The following KCNQ5 variants were observed in gnomAD, a reference collection of about 807,000 sequenced individuals.
The protein encoded by KCNQ5 is potassium voltage-gated channel subfamily KQT member 5.
A neutral mutation model predicts 98.2 loss-of-function variants in KCNQ5; 30 were observed. The ratio of observed to expected loss-of-function variants is 0.31; its 90% CI spans 0.23 to 0.41. KCNQ5 has a LOEUF of 0.41. Ranked by LOEUF, KCNQ5 falls within the 10% of genes least tolerant of loss-of-function variation. The pLI is 1.00. For missense variants in KCNQ5, 835 were observed against 1,182.5 expected, an observed-to-expected ratio of 0.71 and a Z score of 4.31; for synonymous variants, 458 against 449.4, an observed-to-expected ratio of 1.02 and a Z score of -0.24.
At position 72,905,950 on chromosome 6, in the gene KCNQ5, G is replaced by A. The variant is rs113806250; in HGVS notation, c.399-97958G>A. On this transcript the variant is annotated intron_variant, in intron 1 of 13. Coordinates refer to ENST00000370398, the MANE Select transcript of KCNQ5 (RefSeq NM_019842.4). ...AGAGGAACCAGTGGTGGACAGGGCC[G>A]TAGAACTCCCAAAAGTATATACCCT... Among the ~76,000 whole-genome samples the A allele has an allele frequency of 2.8e-3, 432 of 152,228 alleles. 2 individuals are homozygous for A. Among genetic ancestry groups the A allele is most frequent in the African/African-American group, 0.01 (419 of 41,536 alleles).
chr6:72,838,743 G>A (rs369597024), intron 1 of KCNQ5, among the ~76,000 whole-genome samples: 4 of 151,774 alleles, frequency 2.6e-5, no homozygotes, highest in African/African-American at 9.7e-5. Context: ...GAGGTCAGGA[G>A]ATCGAGACCA....
chr6:73,074,044 G>A (rs535832201), intron 3 of KCNQ5, among the ~76,000 whole-genome samples: 192 of 152,228 alleles, frequency 1.3e-3, no homozygotes, highest in African/African-American at 3.9e-3. Flanking sequence ...TGTGGTAAGA[G>A]AACAAAGCTC....
intron 2 of KCNQ5, among the ~76,000 whole-genome samples, chr6:73,006,533 A>G (rs1297763286): frequency 1.3e-5 from 2 of 152,104 alleles, no homozygotes; most frequent in South Asian, 2.1e-4. Flanking sequence ...TACACCTGTA[A>G]TCCCAGCTAT....
At chr6:72,650,797 G>C (rs1765836385) in intron 1 of KCNQ5, among the ~76,000 whole-genome samples, 1 of 152,036 alleles carries the variant, frequency 6.6e-6, no homozygotes, top group Non-Finnish European at 1.5e-5. Flanking sequence ...AATATTCCTA[G>C]CCTTCACGTG....
intron 11 of KCNQ5, among the ~76,000 whole-genome samples, chr6:73,185,213 C>G (rs1778527900): frequency 6.6e-6 from 1 of 152,170 alleles, no homozygotes; most frequent in Non-Finnish European, 1.5e-5. Context: ...AGGTCCCACT[C>G]TGTTACCCAG....
rs191094435 is a variant in KCNQ5, at chr6:72,984,032, C to T, written c.399-19876C>T. On this transcript the variant is annotated intron_variant, in intron 1 of 13. Transcript: ENST00000370398. Reference sequence around the variant, plus strand: ...GTCACCAGTGGAGGCTGCAGAACAGCAAATATTGCAGACTAGCAAATATTG... The same window carrying T: ...GTCACCAGTGGAGGCTGCAGAACAGTAAATATTGCAGACTAGCAAATATTG... Among the ~76,000 whole-genome samples, 461 of 152,282 alleles carry T rather than the reference C, an allele frequency of 3.0e-3. 2 individuals are homozygous for T. Among genetic ancestry groups the T allele is most frequent in the Non-Finnish European group, 4.8e-3 (326 of 68,020 alleles).
chr6:72,962,562 C>T (rs552145524), intron 1 of KCNQ5, among the ~76,000 whole-genome samples: 2 of 152,210 alleles, frequency 1.3e-5, no homozygotes, highest in Non-Finnish European at 2.9e-5. Context: ...ATGTCTGGGT[C>T]ATGCATGGTG....
Position 73,008,250 on chromosome 6 carries a change from C to T in KCNQ5, c.489+4252C>T, listed in dbSNP as rs183509587. Among the ~76,000 whole-genome samples the T allele has an allele frequency of 2.4e-4, 36 of 152,066 alleles. 2 individuals carry two copies. Among genetic ancestry groups the T allele is most frequent in the Admixed American group, 1.5e-3 (23 of 15,284 alleles). Reference sequence around the variant, plus strand: ...AAAACAAAGAGCAAAATGATGAAAGCGTCTCCTTATCATTAATTACTTTAA... The same window carrying T: ...AAAACAAAGAGCAAAATGATGAAAGTGTCTCCTTATCATTAATTACTTTAA... On this transcript the variant is annotated intron_variant, in intron 2 of 13. Coordinates refer to ENST00000370398, the MANE Select transcript of KCNQ5 (RefSeq NM_019842.4).
chr6:73,012,882 T>C (rs552838796), intron 2 of KCNQ5, among the ~76,000 whole-genome samples: 1 of 151,658 alleles, frequency 6.6e-6, no homozygotes, highest in East Asian at 1.9e-4. Flanking sequence ...AAGTGGTTAA[T>C]GATATAGCCT....
At chr6:72,701,133 A>G (rs1156597618) in intron 1 of KCNQ5, among the ~76,000 whole-genome samples, 1 of 152,236 alleles carries the variant, frequency 6.6e-6, no homozygotes, top group East Asian at 1.9e-4. Flanking sequence ...AAAGATTAAT[A>G]AATTGTATTT....
In KCNQ5 at chr6:73,058,523, C is replaced by G. The variant is rs146845304; in HGVS notation, c.616+16461C>G. ...ATGACAAAGACAAAAGCGATTGCAG[C>G]AAAAACAAAAATTGACTAATTTTGT... is the stretch of plus-strand genomic sequence containing the variant. On this transcript the variant is annotated intron_variant, in intron 3 of 13. Transcript: ENST00000370398. 2.8e-4 allele frequency among the ~76,000 whole-genome samples: 43 copies of G among 152,202 alleles called. No individual in the cohort carries two copies. The East Asian group carries it at 6.9e-3, about 25-fold the overall frequency.
chr6:72,930,601 C>T (rs1006325621), intron 1 of KCNQ5, among the ~76,000 whole-genome samples: 3 of 136,114 alleles, frequency 2.2e-5, no homozygotes, highest in African/African-American at 6.0e-5. Flanking sequence ...AAAAAAAAAC[C>T]GCTCAAATGG....
chr6:72,823,905 A>G (rs1017244167), intron 1 of KCNQ5, among the ~76,000 whole-genome samples: 2 of 152,208 alleles, frequency 1.3e-5, no homozygotes, highest in African/African-American at 2.4e-5. Flanking sequence ...AGTCTGATCT[A>G]CTTCATCCAC....
At chr6:72,795,215 G>A (rs1461978172) in intron 1 of KCNQ5, among the ~76,000 whole-genome samples, 1 of 152,180 alleles carries the variant, frequency 6.6e-6, no homozygotes, top group East Asian at 1.9e-4. Context: ...TGCCAATGAA[G>A]CAAATACTGT....
intron 5 of KCNQ5, among the ~76,000 whole-genome samples, chr6:73,102,849 G>A (rs1285144603): frequency 3.3e-5 from 5 of 152,108 alleles, no homozygotes. Context: ...ACTGTTGGTG[G>A]GAATGTAAAT....
At chr6:73,002,235 T>C (rs537154143) in intron 1 of KCNQ5, among the ~76,000 whole-genome samples, 3 of 152,238 alleles carry the variant, frequency 2.0e-5, no homozygotes, top group Non-Finnish European at 4.4e-5. Flanking sequence ...CTGTTTAGAA[T>C]GGCAACCCCT....
intron 1 of KCNQ5, among the ~76,000 whole-genome samples, chr6:72,731,817 C>T (rs570267605): frequency 6.6e-6 from 1 of 152,226 alleles, no homozygotes; most frequent in African/African-American, 2.4e-5. Flanking sequence ...AACTTCCAGT[C>T]CTGCCACGAG....
At chr6:72,893,280 A>G (rs1779124281) in intron 1 of KCNQ5, among the ~76,000 whole-genome samples, 1 of 151,432 alleles carries the variant, frequency 6.6e-6, no homozygotes, top group Admixed American at 6.6e-5. Flanking sequence ...GCATCAGGCT[A>G]TTGTGGTTTT....
At chr6:72,887,455 A>G (rs1778889500) in intron 1 of KCNQ5, among the ~76,000 whole-genome samples, 1 of 152,204 alleles carries the variant, frequency 6.6e-6, no homozygotes, top group Admixed American at 6.5e-5. Context: ...ACAATTCAAG[A>G]TGAGATTTGG....
Sources: gnomAD v4.1 joint callset for allele counts (sites outside exome capture counted in the v4.1 genomes callset) on GRCh38, gnomAD v4.1.1 for gene constraint, MANE v1.5 for transcripts, NCBI Gene and HGNC (gene_info 2026-07-23, HGNC 2026-07-21) for gene names.